The following TEX11 variants were observed in gnomAD, a reference collection of about 807,000 sequenced individuals.
TEX11 encodes the protein testis-expressed protein 11.
Under a neutral mutation model 84.4 loss-of-function variants are expected in TEX11, and 7 were observed. The ratio of observed to expected loss-of-function variants is 0.08; its 90% CI spans 0.05 to 0.16. The LOEUF (loss-of-function observed/expected upper bound fraction) is 0.16, where lower values mean the gene tolerates loss of function less well. Among genes scored for constraint, TEX11 ranks in the 10% least tolerant of loss-of-function variants. The pLI, the probability that TEX11 is intolerant of heterozygous loss-of-function variation, is 1.00. For synonymous variants in TEX11, 264 were observed against 222.8 expected (o/e 1.18, Z -1.64); for missense variants, 551 against 660.5 (o/e 0.83, Z 1.82).
intron 28 of TEX11, among the ~76,000 whole-genome samples, chrX:70,544,883 C>A (rs1480110556): frequency 1.3e-4 from 13 of 100,640 alleles, no homozygotes; most frequent in East Asian, 3.1e-4. Flanking sequence ...CAAAAAAACC[C>A]AAAAAAAACC....
chrX:70,551,572 C>T (rs1228311042), intron 28 of TEX11, among the ~76,000 whole-genome samples: 1 of 111,407 alleles, frequency 9.0e-6, no homozygotes, highest in Non-Finnish European at 1.9e-5. Context: ...AACTAAAAAA[C>T]ACTGGATTGT....
chrX:70,779,623 C>T (rs2091024969), intron 9 of TEX11, among the ~76,000 whole-genome samples: 1 of 109,948 alleles, frequency 9.1e-6, no homozygotes, highest in Non-Finnish European at 1.9e-5. Flanking sequence ...AGTTGGTTTT[C>T]TAAAAGGATA....
intron 20 of TEX11, among the ~76,000 whole-genome samples, chrX:70,623,479 G>A (rs1165055081): frequency 8.9e-6 from 1 of 112,103 alleles, no homozygotes; most frequent in Non-Finnish European, 1.9e-5. Context: ...TATATGTTCT[G>A]TGGGAAAGTA....
chrX:70,636,058 A>G (rs1292630051), intron 17 of TEX11, among the ~76,000 whole-genome samples: 1 of 110,826 alleles, frequency 9.0e-6, no homozygotes, highest in African/African-American at 3.3e-5. Context: ...CACTTCCCCT[A>G]TGCAGCCAGG....
At chrX:70,802,693 A>G (rs899880575) in intron 9 of TEX11, among the ~76,000 whole-genome samples, 3 of 111,309 alleles carry the variant, frequency 2.7e-5, no homozygotes, top group African/African-American at 9.8e-5. Flanking sequence ...CTAGAGATAA[A>G]TGAAAAATCA....
intron 14 of TEX11, among the ~76,000 whole-genome samples, chrX:70,679,731 TG>T (rs750511095): frequency 2.1e-5 from 2 of 95,652 alleles, no homozygotes; most frequent in Admixed American, 1.1e-4. Flanking sequence ...GGCAGGGAGG[TG>T]GGGGGGTCAG....
intron 13 of TEX11, among the ~76,000 whole-genome samples, chrX:70,718,261 A>G (rs188563914): frequency 2.1e-3 from 231 of 112,548 alleles, no homozygotes; most frequent in African/African-American, 7.1e-3. Flanking sequence ...GAAAAAGACA[A>G]AATAGGCAAT....
intron 8 of TEX11, among the ~76,000 whole-genome samples, chrX:70,812,228 G>A (rs1317261258): frequency 4.8e-5 from 5 of 104,420 alleles, no homozygotes; most frequent in South Asian, 8.6e-4. Flanking sequence ...TTTTTGAGAC[G>A]GAGTCTCACT....
chrX:70,518,489 A>G, the TEX11 span, among the ~76,000 whole-genome samples: 2 of 112,149 alleles, frequency 1.8e-5, no homozygotes, highest in Non-Finnish European at 3.8e-5. Context: ...TCTGAGAGAC[A>G]GTTTGTTATA....
Position 70,670,431 on chromosome X carries a change from G to A in TEX11, c.1326C>T (p.Thr442=). ...YSTDEMDLDF[T]KLQRNMACCY... ...AGCAAGCCATGTTCCTCTGCAGCTT[G>A]GTGAAGTCCAGATCCATTTCATCAG... The change falls in exon 16 of 30, where the codon ACC becomes ACT. Residue 442 remains threonine (T), a synonymous_variant. Transcript: ENST00000374333. 8.3e-7 allele frequency: 1 copy of A among 1,209,968 alleles called. No individual in the cohort carries two copies. Among genetic ancestry groups the A allele is most frequent in the Non-Finnish European group, 1.1e-6 (1 of 894,691 alleles).
intron 3 of TEX11, among the ~76,000 whole-genome samples, chrX:70,878,981 T>G (rs1301674172): frequency 1.8e-5 from 2 of 112,254 alleles, no homozygotes; most frequent in Middle Eastern, 4.6e-3. Flanking sequence ...ACAATATGGA[T>G]GAACTTTGAA....
chrX:70,856,397 T>G (rs1722690196), intron 5 of TEX11, among the ~76,000 whole-genome samples: 1 of 110,827 alleles, frequency 9.0e-6, no homozygotes, highest in Non-Finnish European at 1.9e-5. Context: ...TAAAATATTT[T>G]ATATTTTGAA....
chrX:70,838,999 G>A (rs938428929), intron 7 of TEX11, among the ~76,000 whole-genome samples: 13 of 112,598 alleles, frequency 1.2e-4, no homozygotes, highest in Admixed American at 4.7e-4. Flanking sequence ...CGGGAAGCTC[G>A]AACTGGGTGG....
At chrX:70,717,751 C>T (rs958097019) in intron 13 of TEX11, among the ~76,000 whole-genome samples, 5 of 111,421 alleles carry the variant, frequency 4.5e-5, no homozygotes, top group African/African-American at 1.6e-4. Context: ...TTATATAATG[C>T]AACTTCCTAC....
At chrX:70,520,095 C>T in the TEX11 span, among the ~76,000 whole-genome samples, 51 of 111,553 alleles carry the variant, frequency 4.6e-4, no homozygotes, top group African/African-American at 1.6e-3. Context: ...TTGTTGTTAC[C>T]GACCTTCCGA....
chrX:70,880,171 T>C, intron 2 of TEX11, 62 bp from the exon 3 acceptor site: 1 of 934,060 alleles, frequency 1.1e-6, no homozygotes, highest in Non-Finnish European at 1.4e-6. Flanking sequence ...ATGTAGCAAA[T>C]CATTTTTAAA....
Position 70,907,769 on chromosome X carries a change from A to C in TEX11, c.21T>G (p.Phe7Leu). 2 of 1,188,346 alleles carry C rather than the reference A, an allele frequency of 1.7e-6. No homozygotes were observed. Among genetic ancestry groups the C allele is most frequent in the Non-Finnish European group, 2.3e-6 (2 of 873,987 alleles). ...GCTACGTACCTTTAAAGTCCATGGA[A>C]AAAAAATCATCATTGTCCATTTTTA... is the stretch of plus-strand genomic sequence containing the variant. MDNDDF[F>L]SMDFKEVVEN... The change falls in exon 2 of 30, where the codon TTT (phenylalanine) becomes TTG (leucine). Residue 7 changes from phenylalanine to leucine, a missense_variant. By Grantham distance (22) the Phe-to-Leu change is conservative. Coordinates refer to ENST00000374333, the MANE Select transcript of TEX11 (RefSeq NM_031276.3).
chrX:70,640,091 A>C (rs980408713), intron 17 of TEX11, among the ~76,000 whole-genome samples: 2 of 109,183 alleles, frequency 1.8e-5, no homozygotes, highest in Admixed American at 2.0e-4. Flanking sequence ...GATGGAGCTG[A>C]AAACCAAGGC....
intron 25 of TEX11, among the ~76,000 whole-genome samples, chrX:70,587,695 G>A (rs1378271121): frequency 8.9e-6 from 1 of 111,875 alleles, no homozygotes; most frequent in Non-Finnish European, 1.9e-5. Flanking sequence ...GTCCCCACTG[G>A]GGCACTGCCT....
Sources: gnomAD v4.1 joint callset for allele counts (sites outside exome capture counted in the v4.1 genomes callset) on GRCh38, gnomAD v4.1.1 for gene constraint, MANE v1.5 for transcripts, NCBI Gene and HGNC (gene_info 2026-07-23, HGNC 2026-07-21) for gene names.